NAALADL2: variants seen among roughly 807,000 people sequenced by gnomAD.
NAALADL2 encodes the protein inactive N-acetylated-alpha-linked acidic dipeptidase-like protein 2.
In NAALADL2, 76 loss-of-function variants were observed where a neutral mutation model predicts 87.2. The ratio of observed to expected loss-of-function variants is 0.87; its 90% CI spans 0.72 to 1.05. NAALADL2 has a LOEUF of 1.05. Ranked by LOEUF, NAALADL2 falls within the 50% of genes least tolerant of loss-of-function variation. The probability of loss-of-function intolerance (pLI) is 0.00; values close to 1 mark genes in which losing one functional copy is unlikely to be tolerated. For synonymous variants in NAALADL2, 354 were observed against 331.0 expected (o/e 1.07, Z -0.75); for missense variants, 1,089 against 945.8 (o/e 1.15, Z -1.99).
chr3:175,132,129 C>T (rs868658421), intron 2 of NAALADL2, among the ~76,000 whole-genome samples: 22 of 95,236 alleles, frequency 2.3e-4, no homozygotes, highest in Non-Finnish European at 3.4e-4. Context: ...GCTGGCCGGG[C>T]GGGGGGCTGA....
intron 2 of NAALADL2, among the ~76,000 whole-genome samples, chr3:174,591,871 A>G (rs1008860125): frequency 6.6e-6 from 1 of 152,002 alleles, no homozygotes; most frequent in Non-Finnish European, 1.5e-5. Flanking sequence ...GTTTATTTTT[A>G]TAGTTTCATT....
At chr3:175,015,046 T>G (rs1391467113) in intron 1 of NAALADL2, among the ~76,000 whole-genome samples, 1 of 151,818 alleles carries the variant, frequency 6.6e-6, no homozygotes. Context: ...TCAGCTAACA[T>G]TATGTGGGAT....
chr3:174,908,949 A>T (rs1337140726), intron 1 of NAALADL2, among the ~76,000 whole-genome samples: 1 of 152,038 alleles, frequency 6.6e-6, no homozygotes, highest in East Asian at 1.9e-4. Flanking sequence ...TTGTGCAGAA[A>T]AGCCTGCAGT....
rs1723432349 is a variant in NAALADL2 at position 174,643,224 on chromosome 3, T to A, written c.-115+92587T>A. ...TGCTCTCATAGAGCTTACATTCTAG[T>A]GGCAATGGGGTGGCTGGATGGATAT... On this transcript the variant is annotated intron_variant, in intron 2 of 3. Transcript: ENST00000434257. Among the ~76,000 whole-genome samples, 3 of 152,158 alleles carry A rather than the reference T, an allele frequency of 2.0e-5. No individual in the cohort carries two copies. In the South Asian group the frequency reaches 6.2e-4, roughly 32 times the overall value.
intron 1 of NAALADL2, among the ~76,000 whole-genome samples, chr3:175,007,487 C>T (rs1749190670): frequency 6.6e-6 from 1 of 152,098 alleles, no homozygotes; most frequent in African/African-American, 2.4e-5. Flanking sequence ...TTTGTGAGGT[C>T]TAAAAATGGT....
At chr3:174,872,733 T>TAAACACACAC (rs1553879473) in intron 1 of NAALADL2, among the ~76,000 whole-genome samples, 1 of 148,434 alleles carries the variant, frequency 6.7e-6, no homozygotes, top group South Asian at 2.1e-4. Context: ...CACACACACA[T>TAAACACACAC]ACACACACAC....
At chr3:174,940,443 T>C (rs1259196987) in intron 1 of NAALADL2, among the ~76,000 whole-genome samples, 1 of 152,294 alleles carries the variant, frequency 6.6e-6, no homozygotes, top group Admixed American at 6.5e-5. Context: ...TGCATCTGTG[T>C]TCATCCAGAA....
intron 4 of NAALADL2, among the ~76,000 whole-genome samples, chr3:175,298,806 A>G (rs957546638): frequency 6.6e-6 from 1 of 152,164 alleles, no homozygotes; most frequent in African/African-American, 2.4e-5. Context: ...ACTTTCATGT[A>G]TATGGAAAAT....
chr3:174,441,725 C>CT (rs111370736), intron 1 of NAALADL2, among the ~76,000 whole-genome samples: 54,282 of 138,006 alleles, frequency 0.39, 11,041 homozygotes, highest in East Asian at 0.78. Flanking sequence ...ACATTCTTTG[C>CT]TTTTTTTTTT....
intron 1 of NAALADL2, among the ~76,000 whole-genome samples, chr3:174,508,114 G>GTTTTTTTTTTTTTGTTTTTTTTTTT (rs57393523): frequency 2.9e-5 from 3 of 103,884 alleles, no homozygotes; most frequent in Non-Finnish European, 5.8e-5. Context: ...ATATCTAGTG[G>GTTTTTTTTTTTTTGTTTTTTTTTTT]TTTTTTTTTT....
chr3:175,432,030 A>G (rs1405228973), intron 5 of NAALADL2, among the ~76,000 whole-genome samples: 2 of 148,582 alleles, frequency 1.3e-5, no homozygotes, highest in Non-Finnish European at 1.5e-5. Context: ...TCTTGTTGAG[A>G]AAAAAAAATA....
At chr3:174,497,117 G>A (rs1718595261) in intron 1 of NAALADL2, among the ~76,000 whole-genome samples, 2 of 152,026 alleles carry the variant, frequency 1.3e-5, no homozygotes, top group South Asian at 4.1e-4. Flanking sequence ...ATATCTTGGA[G>A]GCGTAGATGA....
chr3:174,555,890 G>A (rs990225952), intron 2 of NAALADL2, among the ~76,000 whole-genome samples: 19 of 151,846 alleles, frequency 1.3e-4, no homozygotes, highest in African/African-American at 4.4e-4. Flanking sequence ...AATTTCTGAC[G>A]TGCTGTATTT....
intron 1 of NAALADL2, among the ~76,000 whole-genome samples, chr3:174,930,273 A>G (rs891051232): frequency 6.6e-6 from 1 of 152,060 alleles, no homozygotes; most frequent in African/African-American, 2.4e-5. Flanking sequence ...TTTTTTATAT[A>G]TATTATTCCC....
chr3:175,542,539 T>C (rs950187274), intron 9 of NAALADL2, among the ~76,000 whole-genome samples: 3 of 152,202 alleles, frequency 2.0e-5, no homozygotes, highest in African/African-American at 4.8e-5. Flanking sequence ...TTTCTTTTTT[T>C]AGTAGAGACG....
intron 1 of NAALADL2, among the ~76,000 whole-genome samples, chr3:174,877,376 A>T (rs1435172486): frequency 1.3e-5 from 2 of 152,098 alleles, no homozygotes; most frequent in Non-Finnish European, 2.9e-5. Flanking sequence ...GTTATCTTTA[A>T]TTGAGGCCTT....
At chr3:174,962,383 T>TATATATGTCATAGTCACTATGAC (rs1560417114) in intron 1 of NAALADL2, among the ~76,000 whole-genome samples, 1 of 116,932 alleles carries the variant, frequency 8.6e-6, no homozygotes, top group Admixed American at 7.9e-5. Context: ...TATATATATA[T>TATATATGTCATAGTCACTATGAC]ATATATATAT....
At position 174,452,414 on chromosome 3, in the gene NAALADL2, A is replaced by G. The variant is rs76170925; in HGVS notation, c.-184+11382A>G. 4.5e-3 allele frequency among the ~76,000 whole-genome samples: 683 copies of G among 152,242 alleles called. 2 individuals are homozygous for G. The highest frequency in any genetic ancestry group is 0.01 in the Middle Eastern group (3 of 294). On this transcript the variant is annotated intron_variant, in intron 1 of 3. Coordinates refer to the NAALADL2 transcript ENST00000434257. ...ACCTGCTAGCACCCTGCTGCACCTA[A>G]CAAGTGTATACCCTGCTGCATTGCT...
At chr3:174,727,207 A>G (rs1174672666) in intron 2 of NAALADL2, among the ~76,000 whole-genome samples, 1 of 148,976 alleles carries the variant, frequency 6.7e-6, no homozygotes, top group Non-Finnish European at 1.5e-5. Flanking sequence ...TTTTTTTTTC[A>G]ATATTTTGAC....
Sources: allele counts gnomAD v4.1 joint callset (sites outside exome capture counted in the v4.1 genomes callset), GRCh38; gene constraint gnomAD v4.1.1; transcripts MANE v1.5; gene names NCBI Gene and HGNC (gene_info 2026-07-23, HGNC 2026-07-21).